Variants in PCNX2 observed in about 807,000 individuals in gnomAD.
PCNX2 encodes the protein pecanex 2, also known as pecanex-like protein 2.
A neutral mutation model predicts 223.8 loss-of-function variants in PCNX2; 168 were observed. The observed-to-expected ratio is 0.75, with a 90% CI of 0.66 to 0.85. The LOEUF is 0.85. Among genes scored for constraint, PCNX2 ranks in the 40% least tolerant of loss-of-function variants. The pLI, the probability that PCNX2 is intolerant of heterozygous loss-of-function variation, is 0.00. For missense variants in PCNX2, 2,507 were observed against 2,675.5 expected (o/e 0.94, Z 1.39); for synonymous variants, 1,006 against 1,052.6 (o/e 0.96, Z 0.86).
chr1:233,194,634 G>A (rs1204724743), intron 15 of PCNX2, among the ~76,000 whole-genome samples: 1 of 152,044 alleles, frequency 6.6e-6, no homozygotes, highest in Non-Finnish European at 1.5e-5. Context: ...TATTTTATGT[G>A]AGCTCTTTTA....
intron 21 of PCNX2, among the ~76,000 whole-genome samples, chr1:233,122,416 G>C (rs1349897524): frequency 6.6e-6 from 1 of 152,104 alleles, no homozygotes; most frequent in Non-Finnish European, 1.5e-5. Flanking sequence ...ATATAGGATG[G>C]AAAGGAGGAC....
At chr1:233,043,110 G>A (rs915461085) in intron 25 of PCNX2, among the ~76,000 whole-genome samples, 9 of 152,166 alleles carry the variant, frequency 5.9e-5, no homozygotes, top group African/African-American at 2.2e-4. Context: ...CACCTCTTCA[G>A]ACAGTATTTT....
chr1:233,091,332 T>A (rs936194290), intron 22 of PCNX2, among the ~76,000 whole-genome samples: 2 of 152,006 alleles, frequency 1.3e-5, no homozygotes, highest in African/African-American at 4.8e-5. Context: ...AAAAGTTCTG[T>A]CAGAGAGTAA....
At chr1:233,060,247 C>T (rs949845619) in intron 23 of PCNX2, among the ~76,000 whole-genome samples, 3 of 152,196 alleles carry the variant, frequency 2.0e-5, no homozygotes, top group Admixed American at 6.5e-5. Context: ...TGAAGTCCCA[C>T]GTCTGCATAG....
chr1:233,049,844 A>G (rs1385635160), intron 25 of PCNX2, among the ~76,000 whole-genome samples: 1 of 148,030 alleles, frequency 6.8e-6, no homozygotes, highest in Non-Finnish European at 1.5e-5. Flanking sequence ...AATAAAAAAC[A>G]CAATCTCATT....
chr1:233,219,036 G>A (rs140964216), intron 10 of PCNX2, among the ~76,000 whole-genome samples: 1,643 of 152,134 alleles, frequency 0.011, 31 homozygotes, highest in African/African-American at 0.037. Flanking sequence ...GGGGTGTGTC[G>A]GGTCCACACT....
intron 15 of PCNX2, among the ~76,000 whole-genome samples, chr1:233,190,161 A>C (rs1399147228): frequency 6.6e-6 from 1 of 152,218 alleles, no homozygotes; most frequent in Non-Finnish European, 1.5e-5. Context: ...TGACATGCTG[A>C]AACGGTTCAC....
chr1:233,234,364 T>C (rs1019103352), intron 9 of PCNX2, among the ~76,000 whole-genome samples: 4 of 152,210 alleles, frequency 2.6e-5, no homozygotes, highest in African/African-American at 9.7e-5. Flanking sequence ...GTTAGCAATC[T>C]TCGTTTTTCC....
intron 7 of PCNX2, 171 bp from the exon 8 acceptor site, chr1:233,251,003 G>T: frequency 2.8e-6 from 1 of 352,362 alleles, no homozygotes; most frequent in Non-Finnish European, 4.0e-6. Flanking sequence ...ATCATGAGAA[G>T]TTGAAGGATG....
intron 10 of PCNX2, among the ~76,000 whole-genome samples, chr1:233,220,536 T>C (rs762070679): frequency 3.9e-5 from 6 of 152,286 alleles, no homozygotes; most frequent in South Asian, 2.1e-4. Context: ...CTAAGGACTA[T>C]TGATGTTGAA....
chr1:233,139,133 CATGTTGTAAATTCAGAATTAATTTTA>C lies in PCNX2; in HGVS notation c.3659+555_3659+580del, dbSNP rs1236739835. ...ATCTACAGATTATCAAGGAGATTTCCATGTTGTAAATTCAGAATTAATTTTAATATATGAAACCAATAACTCGACTG... is the reference window on the plus strand; with the variant it reads ...ATCTACAGATTATCAAGGAGATTTCCATATATGAAACCAATAACTCGACTG... On this transcript the variant is annotated intron_variant, in intron 20 of 33. Coordinates refer to ENST00000258229, the MANE Select transcript of PCNX2 (RefSeq NM_014801.4). The surrounding 1 kb of genome is among the most constrained non-coding windows in gnomAD (Gnocchi z 4.4). 1.3e-5 allele frequency among the ~76,000 whole-genome samples: 2 copies of C among 152,156 alleles called. No individual in the cohort carries two copies. The highest frequency in any genetic ancestry group is 4.8e-5 in the African/African-American group (2 of 41,434).
At chr1:233,175,942 C>T (rs1041559644) in intron 17 of PCNX2, among the ~76,000 whole-genome samples, 1 of 152,112 alleles carries the variant, frequency 6.6e-6, no homozygotes, top group Non-Finnish European at 1.5e-5. Flanking sequence ...GAGTCCTGTA[C>T]GTCGTCTTGA....
At chr1:233,179,003 A>T in intron 16 of PCNX2, 63 bp downstream of exon 16, 1 of 1,469,804 alleles carries the variant, frequency 6.8e-7, no homozygotes, top group Non-Finnish European at 9.4e-7. Flanking sequence ...CAGTCAGGGC[A>T]CAAAGCTGCA....
At position 233,217,914 on chromosome 1, in the gene PCNX2, G is replaced by A. The variant is rs753575105; in HGVS notation, c.2676C>T (p.Pro892=). Residue 892 remains proline, a synonymous_variant, in exon 12 of 34, where the codon CCC becomes CCT. Transcript: ENST00000258229. ...GGAAACTTACGTGTATTGGTGAGGC[G>A]GGGTCAGGCTGAACACTCTAAAACA... is the stretch of plus-strand genomic sequence containing the variant. ...YSLLKSVQPD[P]ASPIHGHNQI... is the part of the protein sequence containing the mutation. The A allele has an allele frequency of 1.1e-5, 18 of 1,613,856 alleles. No homozygotes were observed. The highest frequency in any genetic ancestry group is 8.9e-5 in the East Asian group (4 of 44,864).
chr1:233,310,806 T>C, the PCNX2 span, among the ~76,000 whole-genome samples: 1 of 152,092 alleles, frequency 6.6e-6, no homozygotes, highest in South Asian at 2.1e-4. Context: ...CTTCCACTCA[T>C]AGTGGAAGGC....
At chr1:233,019,268 A>G in intron 26 of PCNX2, 1 of 912,394 alleles carries the variant, frequency 1.1e-6, no homozygotes. Flanking sequence ...ATTACGCTCC[A>G]CAGTCTACCT....
At chr1:233,010,122 T>G (rs1315235878) in intron 28 of PCNX2, among the ~76,000 whole-genome samples, 27 of 152,220 alleles carry the variant, frequency 1.8e-4, no homozygotes, top group Non-Finnish European at 2.9e-5. Context: ...TTAATTTCCC[T>G]TTACAAGATG....
chr1:233,325,901 G>A, the PCNX2 span, among the ~76,000 whole-genome samples: 1 of 152,196 alleles, frequency 6.6e-6, no homozygotes, highest in Non-Finnish European at 1.5e-5. Context: ...AGCTTCCCAT[G>A]CTACAGAGAA....
At chr1:233,290,388 G>A (rs564749173) in intron 1 of PCNX2, among the ~76,000 whole-genome samples, 57 of 152,316 alleles carry the variant, frequency 3.7e-4, no homozygotes, top group African/African-American at 1.4e-3. Flanking sequence ...ATGGACAAAT[G>A]GATAGAAAGG....
Sources: allele counts gnomAD v4.1 joint callset (sites outside exome capture counted in the v4.1 genomes callset), GRCh38; gene constraint gnomAD v4.1.1; non-coding constraint Gnocchi (gnomAD v3.1); transcripts MANE v1.5; gene names NCBI Gene and HGNC (gene_info 2026-07-23, HGNC 2026-07-21).